GINS3: variants seen among roughly 807,000 people sequenced by gnomAD.
GINS3 encodes DNA replication complex GINS protein PSF3.
Under a neutral mutation model 20.0 loss-of-function variants are expected in GINS3, and 18 were observed. The observed-to-expected ratio is 0.90, with a 90% CI of 0.62 to 1.33. The LOEUF (loss-of-function observed/expected upper bound fraction) is 1.33. GINS3 is among the 40% of genes most tolerant of loss of function. The pLI is 0.00. For synonymous variants in GINS3, 109 were observed against 107.0 expected (o/e 1.02, Z -0.12); for missense variants, 254 against 273.6 (o/e 0.93, Z 0.51).
In GINS3 at chr16:58,403,085, A is replaced by T. The variant is rs1268015741; in HGVS notation, c.187-13A>T. 1 of 1,606,296 alleles carries T rather than the reference A, an allele frequency of 6.2e-7. No homozygotes were observed. The highest frequency in any genetic ancestry group is 8.5e-7 in the Non-Finnish European group (1 of 1,173,080). On this transcript the variant is annotated splice_polypyrimidine_tract_variant and intron_variant, in intron 1 of 2. Coordinates refer to ENST00000318129, the MANE Select transcript of GINS3 (RefSeq NM_022770.4). ...TTGTCTGTTTTTAAAATCTACATTC[A>T]TGCATGCTGCAGGGTTCCAAGCTTG...
intron 1 of GINS3, 111 bp downstream of exon 1, chr16:58,392,898 G>A: frequency 5.1e-6 from 6 of 1,185,126 alleles, no homozygotes; most frequent in Non-Finnish European, 6.9e-6. Flanking sequence ...TGTAGTTTTC[G>A]AGGAGCCAGG....
At chr16:58,398,377 G>A (rs549510973) in intron 1 of GINS3, among the ~76,000 whole-genome samples, 2 of 152,134 alleles carry the variant, frequency 1.3e-5, no homozygotes, top group South Asian at 2.1e-4. Context: ...GGAGGTGGAG[G>A]CAGGAGGATC....
chr16:58,403,868 G>T (rs1344367327), intron 2 of GINS3: 1 of 160,416 alleles, frequency 6.2e-6, no homozygotes, highest in Admixed American at 5.8e-5. Flanking sequence ...CTTTGTTCTG[G>T]GGTTAGGGCT....
chr16:58,399,628 G>T (rs1965928934), intron 1 of GINS3, among the ~76,000 whole-genome samples: 1 of 151,854 alleles, frequency 6.6e-6, no homozygotes, highest in South Asian at 2.1e-4. Context: ...TGACATATTT[G>T]TATTCATTTT....
At chr16:58,392,979 C>G (rs1965804458) in intron 1 of GINS3, among the ~76,000 whole-genome samples, 192 bp downstream of exon 1, 1 of 152,256 alleles carries the variant, frequency 6.6e-6, no homozygotes, top group South Asian at 2.1e-4. Flanking sequence ...CTCCAGACTT[C>G]TTGTTCGCCA....
At chr16:58,396,061 G>A (rs1336733558) in intron 1 of GINS3, among the ~76,000 whole-genome samples, 78 of 129,566 alleles carry the variant, frequency 6.0e-4, no homozygotes, top group South Asian at 1.8e-3. Flanking sequence ...CTCACCTCCC[G>A]GACGGGGCGG....
intron 1 of GINS3, 166 bp from the exon 2 acceptor site, chr16:58,402,932 C>G (rs1965976227): frequency 1.7e-6 from 1 of 604,618 alleles, no homozygotes; most frequent in Non-Finnish European, 2.9e-6. Context: ...AAACTTCAGC[C>G]CACACACTTC....
intron 1 of GINS3, among the ~76,000 whole-genome samples, chr16:58,396,756 C>G (rs1443242391): frequency 1.9e-5 from 2 of 105,832 alleles, no homozygotes; most frequent in Admixed American, 8.7e-5. Flanking sequence ...GCTGGCCGGG[C>G]GGGGGGCTGA....
At chr16:58,395,198 C>T (rs1349030303) in intron 1 of GINS3, 2 of 415,774 alleles carry the variant, frequency 4.8e-6, no homozygotes, top group Non-Finnish European at 4.2e-6. Flanking sequence ...ACCTCAGCCA[C>T]CTATGTGGCT....
At position 58,404,880 on chromosome 16, in the gene GINS3, T is replaced by C; in HGVS notation, c.*151T>C. 1.6e-6 allele frequency: 1 copy of C among 639,212 alleles called. No homozygotes were observed. 39.6% of individuals were successfully genotyped at this position (639,212 alleles called of 1,614,324 possible). A position where few individuals can be genotyped will look rare whatever the true frequency, so the allele number is the denominator to read the frequency against. ...GAGAATTATAGGGAACTGGACATGC[T>C]GGAGGATGTGGGTGTCCCTGGCTCT... On this transcript the variant is annotated 3_prime_UTR_variant, in exon 3 of 3. Coordinates refer to ENST00000318129, the MANE Select transcript of GINS3 (RefSeq NM_022770.4).
chr16:58,394,582 A>G (rs1965823308), intron 1 of GINS3, among the ~76,000 whole-genome samples: 1 of 152,164 alleles, frequency 6.6e-6, no homozygotes, highest in African/African-American at 2.4e-5. Flanking sequence ...CCTGACTTCA[A>G]GTGATCCACC....
intron 1 of GINS3, among the ~76,000 whole-genome samples, chr16:58,399,720 A>G (rs1201181284): frequency 6.6e-6 from 1 of 151,350 alleles, no homozygotes; most frequent in Non-Finnish European, 1.5e-5. Context: ...GCATTAATCA[A>G]ATTTATTTTA....
rs1966022992 is a variant in GINS3 at position 58,405,570 on chromosome 16, TG to T, written c.*844del. The T allele has an allele frequency of 6.6e-6, 1 of 152,352 alleles. No homozygotes were observed. Among genetic ancestry groups the T allele is most frequent in the African/African-American group, 2.4e-5 (1 of 41,590 alleles). 9.4% of individuals were successfully genotyped at this position (152,352 alleles called of 1,614,324 possible). ...TGCATTACATCTGGAAGTCAGGACT[TG>T]GGTGCTGACTATGAAGGGCCCTGTT... On this transcript the variant is annotated 3_prime_UTR_variant, in exon 3 of 3. Transcript: ENST00000318129.
At position 58,392,707 on chromosome 16, in the gene GINS3, A is replaced by T; in HGVS notation, c.106A>T (p.Thr36Ser). The change falls in exon 1 of 3, where the codon ACG becomes TCG. Residue 36 changes from threonine to serine, a missense_variant. Coordinates refer to ENST00000318129, the MANE Select transcript of GINS3 (RefSeq NM_022770.4). ...LMSHEKLPVRTETAMPRLGAF... is the reference protein window; with the variant it reads ...LMSHEKLPVRSETAMPRLGAF... The stretch of plus-strand genomic sequence containing the variant: ...GTCCCACGAGAAGCTGCCGGTGCGC[A>T]CGGAGACCGCCATGCCTCGCCTTGG... 1 of 1,614,226 alleles carries T rather than the reference A, an allele frequency of 6.2e-7. No individual in the cohort carries two copies. Among genetic ancestry groups the T allele is most frequent in the Non-Finnish European group, 8.5e-7 (1 of 1,180,040 alleles).
chr16:58,404,357 G>T, intron 2 of GINS3, 142 bp from the exon 3 acceptor site: 1 of 629,108 alleles, frequency 1.6e-6, no homozygotes. Flanking sequence ...TTACTTGGGT[G>T]CTAGAGGGAA....
At chr16:58,401,716 G>A (rs1324656724) in intron 1 of GINS3, among the ~76,000 whole-genome samples, 1 of 152,218 alleles carries the variant, frequency 6.6e-6, no homozygotes, top group East Asian at 1.9e-4. Flanking sequence ...GATTACAGGC[G>A]TGAGCCACCG....
chr16:58,403,076 T>C, intron 1 of GINS3, 22 bp from the exon 2 acceptor site: 1 of 1,593,898 alleles, frequency 6.3e-7, no homozygotes, highest in East Asian at 2.2e-5. Flanking sequence ...GTTTTTAAAA[T>C]CTACATTCAT....
In GINS3 at chr16:58,403,225, A is replaced by T; in HGVS notation, c.314A>T (p.Asn105Ile). The T allele has an allele frequency of 6.2e-7, 1 of 1,614,086 alleles. No homozygotes were observed. The highest frequency in any genetic ancestry group is 1.3e-5 in the African/African-American group (1 of 75,012). Residue 105 changes from asparagine to isoleucine, a missense_variant, in exon 2 of 3, where the codon AAT becomes ATT. Transcript: ENST00000318129. ...GWRTVFSADPNVVDLHKMGPH... is the reference protein window; with the variant it reads ...GWRTVFSADPIVVDLHKMGPH... ...AGGACTGTGTTCAGTGCAGATCCCA[A>T]TGTGGTGGACCTCCACAAAATGGGG...
chr16:58,401,919 G>T (rs1049320619), intron 1 of GINS3, among the ~76,000 whole-genome samples: 2 of 147,900 alleles, frequency 1.4e-5, no homozygotes, highest in Non-Finnish European at 3.0e-5. Context: ...CCTTGAATCT[G>T]TGGTTTGATA....
Sources: allele counts gnomAD v4.1 joint callset (sites outside exome capture counted in the v4.1 genomes callset), GRCh38; gene constraint gnomAD v4.1.1; transcripts MANE v1.5; gene names NCBI Gene and HGNC (gene_info 2026-07-23, HGNC 2026-07-21).